The following CTNNA3 variants were observed in gnomAD, a reference collection of about 807,000 sequenced individuals.
The protein encoded by CTNNA3 is catenin alpha 3, also known as catenin alpha-3.
In CTNNA3, 76 loss-of-function variants were observed where a neutral mutation model predicts 95.7. That is an observed-to-expected ratio of 0.79 (90% CI 0.66 to 0.96). The LOEUF (loss-of-function observed/expected upper bound fraction) is 0.96, where lower values mean the gene tolerates loss of function less well. CTNNA3 is among the 40% of genes least tolerant of loss of function. CTNNA3 has a pLI of 0.00. For missense variants in CTNNA3, 1,191 were observed against 1,089.8 expected (o/e 1.09, Z -1.31); for synonymous variants, 431 against 374.4 (o/e 1.15, Z -1.74).
chr10:67,245,707 A>C (rs1463982634), intron 5 of CTNNA3, among the ~76,000 whole-genome samples: 1 of 151,998 alleles, frequency 6.6e-6, no homozygotes, highest in Non-Finnish European at 1.5e-5. Context: ...AAAATACAAA[A>C]ATTAGCTGGG....
In CTNNA3 at chr10:66,018,273, C is replaced by T. The variant is rs951111528; in HGVS notation, c.2160-29476G>A. ...CAGAAGTATCGAGTATATAAAATCA[C>T]TAATTATGAATCAGGAGAACTGTTT... On this transcript the variant is annotated intron_variant, in intron 15 of 17. Transcript: ENST00000433211. Among the ~76,000 whole-genome samples the T allele has an allele frequency of 2.0e-5, 3 of 151,020 alleles. No homozygotes were observed. The East Asian group carries it at 5.8e-4, about 29-fold the overall frequency.
At position 67,054,060 on chromosome 10, in the gene CTNNA3, C is replaced by T. The variant is rs530872223; in HGVS notation, c.1047+126257G>A. ...TAATTCTGTCCATCTTTGCAGATTA[C>T]AGACACTTAGTATTTACCGTTTCAA... On this transcript the variant is annotated intron_variant, in intron 7 of 17. Transcript: ENST00000433211. Among the ~76,000 whole-genome samples, 5 of 152,262 alleles carry T rather than the reference C, an allele frequency of 3.3e-5. No individual in the cohort carries two copies. The East Asian group carries it at 9.6e-4, about 29-fold the overall frequency.
intron 7 of CTNNA3, among the ~76,000 whole-genome samples, chr10:66,809,717 G>A (rs1275879638): frequency 6.6e-6 from 1 of 151,336 alleles, no homozygotes; most frequent in Non-Finnish European, 1.5e-5. Flanking sequence ...TTATATGATG[G>A]TTTTGATTAG....
At chr10:66,652,097 T>TAAAAA (rs59359956) in intron 9 of CTNNA3, among the ~76,000 whole-genome samples, 21 of 122,384 alleles carry the variant, frequency 1.7e-4, no homozygotes, top group Non-Finnish European at 2.5e-4. Flanking sequence ...CTCAAGGAAC[T>TAAAAA]AAAAAAAAAA....
chr10:67,046,821 C>T (rs1337257733), intron 7 of CTNNA3, among the ~76,000 whole-genome samples: 10 of 152,044 alleles, frequency 6.6e-5, no homozygotes, highest in Non-Finnish European at 1.5e-4. Context: ...GGCCCATAAT[C>T]GAAGCTTTCA....
At chr10:67,287,488 TCTGGAA>T (rs1839653680) in intron 5 of CTNNA3, among the ~76,000 whole-genome samples, 1 of 152,214 alleles carries the variant, frequency 6.6e-6, no homozygotes, top group African/African-American at 2.4e-5. Flanking sequence ...AAGACAATCC[TCTGGAA>T]CTATTGTGTA....
chr10:66,387,847 A>G (rs1197333904), intron 11 of CTNNA3, among the ~76,000 whole-genome samples: 1 of 152,184 alleles, frequency 6.6e-6, no homozygotes, highest in African/African-American at 2.4e-5. Flanking sequence ...TCACAAGGAC[A>G]GAAAACCAAA....
intron 5 of CTNNA3, among the ~76,000 whole-genome samples, chr10:67,499,659 G>A (rs1303851664): frequency 1.2e-4 from 18 of 152,226 alleles, no homozygotes; most frequent in South Asian, 2.1e-4. Flanking sequence ...GTTTAGTCTT[G>A]GGAGGGCGTA....
Position 67,751,206 on chromosome 10 carries a change from G to A in CTNNA3, c.-2+12228C>T, listed in dbSNP as rs553526599. ...CATGTTGCAATCCTCTCATTTGGAG[G>A]ACTATCCCTTCGATGCAGAATATTG... On this transcript the variant is annotated intron_variant, in intron 1 of 17. Coordinates refer to the CTNNA3 transcript ENST00000684154. 9.3e-6 allele frequency: 12 copies of A among 1,288,118 alleles called. No individual in the cohort carries two copies. The African/African-American group carries it at 1.7e-4, about 19-fold the overall frequency. The allele number at this position is 1,288,118 out of a possible 1,614,324, so 79.8% of individuals were successfully genotyped here.
intron 5 of CTNNA3, among the ~76,000 whole-genome samples, chr10:67,274,579 G>T (rs2132426519): frequency 6.6e-6 from 1 of 152,204 alleles, no homozygotes; most frequent in East Asian, 1.9e-4. Context: ...TGTAATCATA[G>T]CACTTTAGGA....
At chr10:66,229,486 C>G (rs901403930) in intron 13 of CTNNA3, among the ~76,000 whole-genome samples, 1 of 152,036 alleles carries the variant, frequency 6.6e-6, no homozygotes, top group Non-Finnish European at 1.5e-5. Context: ...GATAGCTTTC[C>G]TGAGTATAAT....
chr10:67,452,916 T>C (rs1470175764), intron 5 of CTNNA3, among the ~76,000 whole-genome samples: 1 of 152,180 alleles, frequency 6.6e-6, no homozygotes, highest in Non-Finnish European at 1.5e-5. Context: ...TATATAATCA[T>C]ATCAGCAAAA....
intron 11 of CTNNA3, among the ~76,000 whole-genome samples, chr10:66,507,553 C>T (rs1840493789): frequency 6.6e-6 from 1 of 152,086 alleles, no homozygotes; most frequent in African/African-American, 2.4e-5. Flanking sequence ...TCTTTACTTC[C>T]ATGAGCTCAT....
intron 7 of CTNNA3, among the ~76,000 whole-genome samples, chr10:67,071,319 T>C (rs1019726528): frequency 7.7e-6 from 1 of 130,052 alleles, no homozygotes; most frequent in Admixed American, 7.8e-5. Context: ...TGTTTTGTTT[T>C]TGTATTTTGG....
chr10:66,286,785 A>C (rs1236684771), intron 12 of CTNNA3, among the ~76,000 whole-genome samples: 1 of 151,960 alleles, frequency 6.6e-6, no homozygotes, highest in Non-Finnish European at 1.5e-5. Context: ...AATTGATCTT[A>C]CCTCTACAAA....
chr10:66,845,774 C>T (rs7909911), intron 7 of CTNNA3, among the ~76,000 whole-genome samples: 28,506 of 137,568 alleles, frequency 0.21, 3,478 homozygotes, highest in African/African-American at 0.3. Context: ...CACACACACA[C>T]ACACACATAT....
rs150328393 is a variant in CTNNA3 at position 67,181,869 on chromosome 10, C to T, written c.844-1349G>A. On this transcript the variant is annotated intron_variant, in intron 6 of 17. Transcript: ENST00000433211. The stretch of plus-strand genomic sequence containing the variant: ...AAAAAAACAGCACTGTGTAATGTTC[C>T]CTTACTATAAAATGTGAGGGGTTTT... Among the ~76,000 whole-genome samples the T allele has an allele frequency of 1.7e-3, 254 of 151,746 alleles. 1 individual carries two copies. Among genetic ancestry groups the T allele is most frequent in the Middle Eastern group, 6.8e-3 (2 of 294 alleles).
intron 9 of CTNNA3, among the ~76,000 whole-genome samples, chr10:66,718,732 C>T (rs1341061769): frequency 2.0e-5 from 3 of 151,462 alleles, no homozygotes; most frequent in Non-Finnish European, 2.9e-5. Context: ...TTTTGTTCAC[C>T]GATGTACCCC....
intron 14 of CTNNA3, among the ~76,000 whole-genome samples, chr10:66,076,865 G>A (rs1254219144): frequency 1.3e-5 from 2 of 151,754 alleles, no homozygotes; most frequent in Admixed American, 1.3e-4. Context: ...TCATGGAAAT[G>A]AGTTCCTTAG....
Sources: gnomAD v4.1 joint callset for allele counts (sites outside exome capture counted in the v4.1 genomes callset) on GRCh38, gnomAD v4.1.1 for gene constraint, MANE v1.5 for transcripts, NCBI Gene and HGNC (gene_info 2026-07-23, HGNC 2026-07-21) for gene names.